FAF1: variants seen among roughly 807,000 people sequenced by gnomAD.
The protein encoded by FAF1 is Fas associated factor 1, also known as FAS-associated factor 1.
Under a neutral mutation model 92.5 loss-of-function variants are expected in FAF1, and 25 were observed. The ratio of observed to expected loss-of-function variants is 0.27; its 90% CI spans 0.20 to 0.38. The LOEUF is 0.38. FAF1 is among the 10% of genes least tolerant of loss of function. FAF1 has a pLI of 1.00. For missense variants in FAF1, 636 were observed against 793.3 expected (o/e 0.80, Z 2.38); for synonymous variants, 234 against 273.2 (o/e 0.86, Z 1.42).
intron 13 of FAF1, among the ~76,000 whole-genome samples, chr1:50,546,379 T>C (rs1649016551): frequency 6.6e-6 from 1 of 152,170 alleles, no homozygotes; most frequent in Non-Finnish European, 1.5e-5. Flanking sequence ...TTTTTGTTTG[T>C]TTTTGAGACA....
At chr1:50,700,145 A>AC (rs1214337745) in intron 7 of FAF1, among the ~76,000 whole-genome samples, 48 of 149,170 alleles carry the variant, frequency 3.2e-4, no homozygotes, top group Non-Finnish European at 5.0e-4. Flanking sequence ...TCCCTTTCAT[A>AC]CCCCCCTTTT....
chr1:50,685,631 T>C (rs920771833), intron 7 of FAF1, among the ~76,000 whole-genome samples: 7 of 152,258 alleles, frequency 4.6e-5, no homozygotes, highest in African/African-American at 1.7e-4. Context: ...ACCATTGTGT[T>C]GCACAGCCAG....
At chr1:50,588,359 T>A (rs531664904) in intron 9 of FAF1, among the ~76,000 whole-genome samples, 40 of 152,314 alleles carry the variant, frequency 2.6e-4, no homozygotes, top group Non-Finnish European at 4.9e-4. Flanking sequence ...TTCTTTAGGG[T>A]CAGTTACTAG....
intron 2 of FAF1, among the ~76,000 whole-genome samples, chr1:50,802,041 G>A (rs1031460725): frequency 3.3e-5 from 5 of 151,524 alleles, no homozygotes; most frequent in Admixed American, 6.6e-5. Flanking sequence ...AAACTCAGAA[G>A]AGCAAGATGT....
chr1:50,565,691 A>G (rs1483657606), intron 13 of FAF1, among the ~76,000 whole-genome samples: 1 of 152,142 alleles, frequency 6.6e-6, no homozygotes, highest in Non-Finnish European at 1.5e-5. Flanking sequence ...AAAAGAAACT[A>G]CACTGCAATT....
Position 50,559,594 on chromosome 1 carries a change from T to C in FAF1, c.1268+7483A>G, listed in dbSNP as rs575441098. 2.0e-5 allele frequency among the ~76,000 whole-genome samples: 3 copies of C among 152,338 alleles called. No homozygotes were observed. The East Asian group carries it at 5.8e-4, about 29-fold the overall frequency. On this transcript the variant is annotated intron_variant, in intron 13 of 18. Coordinates refer to ENST00000396153, the MANE Select transcript of FAF1 (RefSeq NM_007051.3). ...CACACGGCATTGTTTGCAGGGACAA[T>C]TGCTGCTGGCAGAACGCAAACCTTG...
intron 2 of FAF1, among the ~76,000 whole-genome samples, chr1:50,856,329 T>G (rs1644390109): frequency 6.6e-6 from 1 of 151,808 alleles, no homozygotes; most frequent in Admixed American, 6.6e-5. Flanking sequence ...AAGCACTTAT[T>G]ATTGCAAAAG....
chr1:50,850,247 C>T (rs1262157680), intron 2 of FAF1, among the ~76,000 whole-genome samples: 2 of 151,972 alleles, frequency 1.3e-5, no homozygotes, highest in African/African-American at 4.8e-5. Context: ...TATAGGCTAA[C>T]TAGCTGGATT....
chr1:50,831,172 C>A (rs1644149159), intron 2 of FAF1, among the ~76,000 whole-genome samples: 1 of 152,036 alleles, frequency 6.6e-6, no homozygotes, highest in South Asian at 2.1e-4. Flanking sequence ...AAATAATTAG[C>A]TGAGAATTTA....
intron 1 of FAF1, among the ~76,000 whole-genome samples, chr1:50,898,391 T>C (rs971358982): frequency 3.0e-4 from 45 of 152,198 alleles, no homozygotes; most frequent in Admixed American, 2.4e-3. Flanking sequence ...CTGATATCTA[T>C]ACCTATACAG....
At chr1:50,652,812 T>C (rs1170895508) in intron 8 of FAF1, among the ~76,000 whole-genome samples, 1 of 152,202 alleles carries the variant, frequency 6.6e-6, no homozygotes, top group African/African-American at 2.4e-5. Context: ...GTAATTGTAA[T>C]CTGTAATTAC....
rs182504681 is a variant in FAF1, at chr1:50,718,295, T to G, written c.552-12404A>C. On this transcript the variant is annotated intron_variant, in intron 6 of 18. Coordinates refer to ENST00000396153, the MANE Select transcript of FAF1 (RefSeq NM_007051.3). ...CGCCTGCCTCAGCCTCCCAAAGTGTTGGGATTACAGGCATGAGGCACCGTG... is the reference window on the plus strand; with the variant it reads ...CGCCTGCCTCAGCCTCCCAAAGTGTGGGGATTACAGGCATGAGGCACCGTG... Among the ~76,000 whole-genome samples the G allele has an allele frequency of 2.5e-3, 386 of 152,314 alleles. 2 individuals carry two copies. The highest frequency in any genetic ancestry group is 3.8e-3 in the Non-Finnish European group (261 of 68,028).
intron 1 of FAF1, among the ~76,000 whole-genome samples, chr1:50,905,447 G>A (rs1419231132): frequency 6.6e-6 from 1 of 152,172 alleles, no homozygotes; most frequent in Non-Finnish European, 1.5e-5. Flanking sequence ...CTAGATCCTT[G>A]AGGAATCGCC....
At chr1:50,934,630 A>G (rs1427096497) in intron 1 of FAF1, among the ~76,000 whole-genome samples, 1 of 152,208 alleles carries the variant, frequency 6.6e-6, no homozygotes, top group Non-Finnish European at 1.5e-5. Flanking sequence ...AGGCTGAGAC[A>G]GAAGGATCAC....
intron 1 of FAF1, among the ~76,000 whole-genome samples, chr1:50,912,935 A>G (rs1296671483): frequency 2.0e-5 from 3 of 152,248 alleles, no homozygotes; most frequent in African/African-American, 7.2e-5. Flanking sequence ...TTCCCTTCAT[A>G]TAACAAGTTA....
intron 9 of FAF1, among the ~76,000 whole-genome samples, chr1:50,585,470 A>G (rs1450459985): frequency 6.6e-6 from 1 of 152,204 alleles, no homozygotes; most frequent in Non-Finnish European, 1.5e-5. Context: ...TGTTTTCAGC[A>G]ACATCAATTG....
intron 6 of FAF1, chr1:50,714,994 TA>T (rs199878187): frequency 1.4e-4 from 59 of 425,326 alleles, no homozygotes; most frequent in Admixed American, 3.7e-4. Context: ...AGATATAAAG[TA>T]AAAAAAAACC....
At chr1:50,876,844 A>G (rs1644575838) in intron 1 of FAF1, among the ~76,000 whole-genome samples, 1 of 152,212 alleles carries the variant, frequency 6.6e-6, no homozygotes, top group Non-Finnish European at 1.5e-5. Context: ...TCGGCCTCCC[A>G]AAGTGCTGGG....
intron 1 of FAF1, among the ~76,000 whole-genome samples, chr1:50,876,538 T>C (rs1644573264): frequency 6.6e-6 from 1 of 152,176 alleles, no homozygotes; most frequent in African/African-American, 2.4e-5. Flanking sequence ...GTCAAAGGGA[T>C]ATAAAGCTAA....
Sources: allele counts gnomAD v4.1 joint callset (sites outside exome capture counted in the v4.1 genomes callset), GRCh38; gene constraint gnomAD v4.1.1; transcripts MANE v1.5; gene names NCBI Gene and HGNC (gene_info 2026-07-23, HGNC 2026-07-21).